FYB1: variants seen among roughly 807,000 people sequenced by gnomAD.
FYB1 encodes the protein FYN-binding protein 1.
FYB1 carries 41 observed loss-of-function variants against 94.1 expected under a neutral mutation model. That is an observed-to-expected ratio of 0.44 (90% CI 0.34 to 0.57). The LOEUF is 0.57. Ranked by LOEUF, FYB1 falls within the 20% of genes least tolerant of loss-of-function variation. The pLI, the probability that FYB1 is intolerant of heterozygous loss-of-function variation, is 0.02. For synonymous variants in FYB1, 367 were observed against 353.2 expected (o/e 1.04, Z -0.44); for missense variants, 1,050 against 976.8 (o/e 1.07, Z -1.00).
intron 1 of FYB1, among the ~76,000 whole-genome samples, chr5:39,254,274 G>C (rs961927161): frequency 2.0e-5 from 3 of 152,148 alleles, no homozygotes; most frequent in Non-Finnish European, 4.4e-5. Flanking sequence ...TCGCCATACT[G>C]TCTTCTACGA....
rs79143276 is a variant in FYB1 at position 39,153,122 on chromosome 5, G to C, written c.1292+326C>G. Among the ~76,000 whole-genome samples the C allele has an allele frequency of 1.8e-4, 28 of 152,324 alleles. No homozygotes were observed. In the East Asian group the frequency reaches 5.4e-3, roughly 29 times the overall value. On this transcript the variant is annotated intron_variant, in intron 3 of 18. Coordinates refer to ENST00000512982, the MANE Select transcript of FYB1 (RefSeq NM_001465.6). ...GGTGATCGTGATAGTGGAGGAGTTG[G>C]AGATGTTGATAGTGGAGGAGTTGGT...
At chr5:39,125,491 G>A (rs748645385) in intron 12 of FYB1, among the ~76,000 whole-genome samples, 12 of 152,180 alleles carry the variant, frequency 7.9e-5, no homozygotes, top group African/African-American at 4.8e-5. Context: ...ATAGTTAAAA[G>A]TCTTTAATTA....
At chr5:39,166,864 T>C (rs1744785027) in intron 2 of FYB1, among the ~76,000 whole-genome samples, 1 of 152,138 alleles carries the variant, frequency 6.6e-6, no homozygotes, top group Non-Finnish European at 1.5e-5. Context: ...ATGTACACTA[T>C]TCTGGTGATG....
intron 1 of FYB1, among the ~76,000 whole-genome samples, chr5:39,204,020 T>C (rs997305333): frequency 6.6e-6 from 1 of 152,188 alleles, no homozygotes; most frequent in Non-Finnish European, 1.5e-5. Context: ...AATGTGGCCA[T>C]GACAATTTCC....
chr5:39,261,846 C>T (rs1752235740), intron 1 of FYB1, among the ~76,000 whole-genome samples: 1 of 152,088 alleles, frequency 6.6e-6, no homozygotes, highest in Non-Finnish European at 1.5e-5. Context: ...AGCAGAGTCC[C>T]ACAAAGATGG....
intron 1 of FYB1, among the ~76,000 whole-genome samples, chr5:39,236,541 C>A (rs1750974509): frequency 6.6e-6 from 1 of 152,008 alleles, no homozygotes; most frequent in Admixed American, 6.6e-5. Context: ...AGAGATATAG[C>A]AACACCTAAA....
intron 1 of FYB1, among the ~76,000 whole-genome samples, chr5:39,215,946 A>G (rs149082188): frequency 6.6e-6 from 1 of 152,280 alleles, no homozygotes; most frequent in Non-Finnish European, 1.5e-5. Context: ...TGTCCTTATA[A>G]GATAGAGAAG....
At position 39,134,865 on chromosome 5, in the gene FYB1, T is replaced by A; in HGVS notation, c.1665A>T (p.Ala555=). ...GAAATTTGCACTCACATGAACCCCT[T>A]GCTGTTCTGCCCAACCATTTTCCTT... ...NPEGKWLGRT[A]RGSYGYIKTT... Residue 555 remains alanine, a synonymous_variant, in exon 8 of 19, where the codon GCA becomes GCT. Coordinates refer to ENST00000512982, the MANE Select transcript of FYB1 (RefSeq NM_001465.6). 1 of 1,613,930 alleles carries A rather than the reference T, an allele frequency of 6.2e-7. No homozygotes were observed. Among genetic ancestry groups the A allele is most frequent in the Non-Finnish European group, 8.5e-7 (1 of 1,179,880 alleles).
chr5:39,263,596 A>G (rs1752315222), intron 1 of FYB1, among the ~76,000 whole-genome samples: 1 of 152,138 alleles, frequency 6.6e-6, no homozygotes, highest in South Asian at 2.1e-4. Context: ...CAGCCCTCAC[A>G]GGGAACCTTC....
At position 39,265,414 on chromosome 5, in the gene FYB1, G is replaced by A. The variant is rs371901671; in HGVS notation, c.-28+8989C>T. On this transcript the variant is annotated intron_variant, in intron 1 of 1. Transcript: ENST00000510188. Reference sequence around the variant, plus strand: ...CAGGAGAATGGCGTGAACCCGGGAGGCGGAGCTTTCAGTGAGCTGAGTTCA... The same window carrying A: ...CAGGAGAATGGCGTGAACCCGGGAGACGGAGCTTTCAGTGAGCTGAGTTCA... Among the ~76,000 whole-genome samples, 5 of 152,138 alleles carry A rather than the reference G, an allele frequency of 3.3e-5. No individual in the cohort carries two copies. In the South Asian group the frequency reaches 8.3e-4, roughly 25 times the overall value.
chr5:39,230,274 G>A (rs1750663139), intron 1 of FYB1, among the ~76,000 whole-genome samples: 2 of 152,210 alleles, frequency 1.3e-5, no homozygotes, highest in African/African-American at 4.8e-5. Flanking sequence ...CAGTGTCAGA[G>A]TGATGCAGCT....
intron 1 of FYB1, among the ~76,000 whole-genome samples, chr5:39,215,212 AT>A (rs1288748162): frequency 1.3e-5 from 2 of 152,170 alleles, no homozygotes. Flanking sequence ...ATAATTAAAA[AT>A]TCAATAAGAA....
At chr5:39,112,026 AATG>A (rs1739120124) in intron 16 of FYB1, among the ~76,000 whole-genome samples, 1 of 151,936 alleles carries the variant, frequency 6.6e-6, no homozygotes, top group Non-Finnish European at 1.5e-5. Flanking sequence ...ATAATAATTT[AATG>A]TAATTTTTAA....
intron 1 of FYB1, chr5:39,269,686 G>T (rs1255946509): frequency 6.6e-6 from 1 of 152,192 alleles, no homozygotes; most frequent in Non-Finnish European, 1.5e-5. Context: ...TCCAATGTCT[G>T]CAATGCACAA....
At chr5:39,213,487 T>C (rs983252999) in intron 1 of FYB1, among the ~76,000 whole-genome samples, 2 of 152,226 alleles carry the variant, frequency 1.3e-5, no homozygotes, top group African/African-American at 4.8e-5. Context: ...GTCCTACTTA[T>C]GGTTGTGATC....
At chr5:39,140,794 C>T (rs931294993) in intron 4 of FYB1, among the ~76,000 whole-genome samples, 2 of 152,076 alleles carry the variant, frequency 1.3e-5, no homozygotes, top group Non-Finnish European at 2.9e-5. Flanking sequence ...TACAAAAAGA[C>T]GAGAGAAACC....
chr5:39,236,772 A>T (rs1345484), intron 1 of FYB1, among the ~76,000 whole-genome samples: 4 of 152,028 alleles, frequency 2.6e-5, no homozygotes, highest in African/African-American at 9.7e-5. Context: ...AAGGGGGCTG[A>T]GATAGCTCTC....
chr5:39,232,311 C>T (rs1388792154), intron 1 of FYB1, among the ~76,000 whole-genome samples: 2 of 152,032 alleles, frequency 1.3e-5, no homozygotes, highest in Admixed American at 6.6e-5. Flanking sequence ...ATATAAGTCA[C>T]ATGAAACTAA....
intron 2 of FYB1, among the ~76,000 whole-genome samples, chr5:39,167,418 T>C (rs973910386): frequency 2.6e-5 from 4 of 152,204 alleles, no homozygotes; most frequent in Non-Finnish European, 5.9e-5. Context: ...GCCCTCTCTT[T>C]CCCAGAAACT....
Sources: allele counts gnomAD v4.1 joint callset (sites outside exome capture counted in the v4.1 genomes callset), GRCh38; gene constraint gnomAD v4.1.1; transcripts MANE v1.5; gene names NCBI Gene and HGNC (gene_info 2026-07-23, HGNC 2026-07-21).